The following PPARGC1A variants were observed in gnomAD, a reference collection of about 807,000 sequenced individuals.
The protein encoded by PPARGC1A is PPARG coactivator 1 alpha.
Under a neutral mutation model 88.7 loss-of-function variants are expected in PPARGC1A, and 25 were observed. The observed-to-expected ratio is 0.28, with a 90% CI of 0.21 to 0.39. The LOEUF (loss-of-function observed/expected upper bound fraction) is 0.39. Ranked by LOEUF, PPARGC1A falls within the 10% of genes least tolerant of loss-of-function variation. PPARGC1A has a pLI of 1.00. For missense variants in PPARGC1A, 880 were observed against 968.7 expected (o/e 0.91, Z 1.22); for synonymous variants, 363 against 355.6 (o/e 1.02, Z -0.24).
the PPARGC1A span, among the ~76,000 whole-genome samples, chr4:24,299,154 C>T: frequency 5.3e-5 from 8 of 152,250 alleles, no homozygotes; most frequent in East Asian, 1.5e-3. Context: ...ACACAAAGAA[C>T]AGCTGCAGTG....
At chr4:23,817,511 CATAAGT>C (rs989121173) in intron 7 of PPARGC1A, among the ~76,000 whole-genome samples, 1 of 152,080 alleles carries the variant, frequency 6.6e-6, no homozygotes, top group African/African-American at 2.4e-5. Context: ...TAAAATTTGA[CATAAGT>C]ATATTTTTCT....
chr4:24,286,282 G>C, the PPARGC1A span, among the ~76,000 whole-genome samples: 1 of 152,066 alleles, frequency 6.6e-6, no homozygotes, highest in African/African-American at 2.4e-5. Flanking sequence ...TACTCACAGA[G>C]GGAAAGGTAT....
the PPARGC1A span, among the ~76,000 whole-genome samples, chr4:23,951,531 G>A: frequency 6.6e-6 from 1 of 152,058 alleles, no homozygotes; most frequent in East Asian, 1.9e-4. Flanking sequence ...CAAGAAAAAT[G>A]TGTTCCAGTT....
the PPARGC1A span, among the ~76,000 whole-genome samples, chr4:24,310,475 G>A: frequency 6.6e-6 from 1 of 152,158 alleles, no homozygotes; most frequent in Non-Finnish European, 1.5e-5. Context: ...GTTCGTAGCT[G>A]ATTTAAGAAG....
chr4:24,076,824 T>C, the PPARGC1A span, among the ~76,000 whole-genome samples: 1 of 152,162 alleles, frequency 6.6e-6, no homozygotes, highest in Non-Finnish European at 1.5e-5. Flanking sequence ...TTCCTTTCTC[T>C]TCATCATCCC....
At chr4:24,091,696 G>A in the PPARGC1A span, 1 of 954,706 alleles carries the variant, frequency 1.0e-6, no homozygotes, top group Non-Finnish European at 1.2e-6. Context: ...ACCCACCGGG[G>A]AACAAATTTG....
chr4:24,107,997 C>G, the PPARGC1A span, among the ~76,000 whole-genome samples: 1 of 152,122 alleles, frequency 6.6e-6, no homozygotes, highest in Non-Finnish European at 1.5e-5. Context: ...GGAAATAGAG[C>G]AGGTGGGATA....
the PPARGC1A span, among the ~76,000 whole-genome samples, chr4:24,467,899 T>A: frequency 1.3e-5 from 2 of 152,130 alleles, no homozygotes; most frequent in East Asian, 1.9e-4. Context: ...AGGGAGCAGA[T>A]AAAGAAAAGT....
the PPARGC1A span, among the ~76,000 whole-genome samples, chr4:24,127,250 T>C: frequency 5.3e-5 from 8 of 152,220 alleles, no homozygotes; most frequent in East Asian, 1.4e-3. Context: ...CCATCCACCA[T>C]TAGCTGCCAA....
the PPARGC1A span, among the ~76,000 whole-genome samples, chr4:24,110,567 T>C: frequency 0.017 from 2,520 of 152,270 alleles, 66 homozygotes; most frequent in African/African-American, 0.052. Flanking sequence ...AATAGGCATC[T>C]GGGGACACAG....
Position 23,889,936 on chromosome 4 carries a change from G to C in PPARGC1A, c.22C>G (p.Gln8Glu). 6.2e-7 allele frequency: 1 copy of C among 1,613,854 alleles called. No individual in the cohort carries two copies. The highest frequency in any genetic ancestry group is 1.3e-5 in the African/African-American group (1 of 75,046). MAWDMCN[Q>E]DSESVWSDIE... ...TCACTCCATACAGACTCAGAGTCCT[G>C]GTTGCACATGTCCCACGCCATCCAG... The change falls in exon 1 of 13, where the codon CAG becomes GAG. Residue 8 changes from glutamine (Q) to glutamate (E), a missense_variant. By Grantham distance (29) the Gln-to-Glu change is conservative. Coordinates refer to ENST00000264867, the MANE Select transcript of PPARGC1A (RefSeq NM_013261.5).
the PPARGC1A span, among the ~76,000 whole-genome samples, chr4:24,453,988 C>T: frequency 6.6e-6 from 1 of 151,964 alleles, no homozygotes; most frequent in Admixed American, 6.6e-5. Flanking sequence ...TTATTAGTAA[C>T]AAGCCTAGGC....
chr4:24,020,457 T>G, the PPARGC1A span, among the ~76,000 whole-genome samples: 1 of 152,166 alleles, frequency 6.6e-6, no homozygotes, highest in Non-Finnish European at 1.5e-5. Flanking sequence ...AAGTATAACA[T>G]CAATACAGAC....
At position 23,864,389 on chromosome 4, in the gene PPARGC1A, T is replaced by C. The variant is rs184663972; in HGVS notation, c.234+20363A>G. On this transcript the variant is annotated intron_variant, in intron 2 of 12. Coordinates refer to ENST00000264867, the MANE Select transcript of PPARGC1A (RefSeq NM_013261.5). ...TATACTTGGTCTGTAATTATCATGG[T>C]TTCCGGCAAAATTCTAGGTACACAG... 2.1e-3 allele frequency among the ~76,000 whole-genome samples: 326 copies of C among 152,276 alleles called. 1 individual carries two copies. Among genetic ancestry groups the C allele is most frequent in the African/African-American group, 6.5e-3 (272 of 41,550 alleles).
At chr4:23,826,717 CTGTT>C (rs375268143) in intron 5 of PPARGC1A, among the ~76,000 whole-genome samples, 15 of 152,062 alleles carry the variant, frequency 9.9e-5, no homozygotes, top group African/African-American at 3.6e-4. Context: ...AGAATTTTGT[CTGTT>C]TGTCAACAGG....
chr4:23,836,769 T>C (rs1320804055), intron 2 of PPARGC1A, among the ~76,000 whole-genome samples: 3 of 152,170 alleles, frequency 2.0e-5, no homozygotes, highest in Admixed American at 2.0e-4. Flanking sequence ...TTGGGTCTTC[T>C]TCCTTTGTGC....
At chr4:24,039,827 T>C in the PPARGC1A span, among the ~76,000 whole-genome samples, 3 of 152,160 alleles carry the variant, frequency 2.0e-5, no homozygotes, top group African/African-American at 7.2e-5. Flanking sequence ...GATAGAAACG[T>C]AGCCACAGCC....
chr4:24,241,249 AC>A, the PPARGC1A span, among the ~76,000 whole-genome samples: 314 of 152,156 alleles, frequency 2.1e-3, 3 homozygotes, highest in African/African-American at 7.3e-3. Context: ...AAACAAACAA[AC>A]AAAAAGCTTA....
intron 2 of PPARGC1A, among the ~76,000 whole-genome samples, chr4:23,854,167 T>G (rs917975374): frequency 5.3e-5 from 8 of 152,218 alleles, no homozygotes; most frequent in African/African-American, 1.9e-4. Context: ...CAAGGCCATG[T>G]GTACATGACA....
Sources: allele counts gnomAD v4.1 joint callset (sites outside exome capture counted in the v4.1 genomes callset), GRCh38; gene constraint gnomAD v4.1.1; transcripts MANE v1.5; gene names NCBI Gene and HGNC (gene_info 2026-07-23, HGNC 2026-07-21).